PIK3C2G: variants seen among roughly 807,000 people sequenced by gnomAD.
The protein encoded by PIK3C2G is phosphatidylinositol-4-phosphate 3-kinase catalytic subunit type 2 gamma, also known as phosphatidylinositol 3-kinase C2 domain-containing subunit gamma.
A neutral mutation model predicts 181.1 loss-of-function variants in PIK3C2G; 168 were observed. The observed-to-expected ratio is 0.93, with a 90% CI of 0.82 to 1.05. The LOEUF (loss-of-function observed/expected upper bound fraction) is 1.05, where lower values mean the gene tolerates loss of function less well. Ranked by LOEUF, PIK3C2G falls within the 50% of genes least tolerant of loss-of-function variation. The pLI, the probability that PIK3C2G is intolerant of heterozygous loss-of-function variation, is 0.00. For synonymous variants in PIK3C2G, 573 were observed against 592.2 expected (o/e 0.97, Z 0.47); for missense variants, 1,869 against 1,732.8 (o/e 1.08, Z -1.40).
chr12:18,391,845 GTCTC>G (rs55958636), intron 15 of PIK3C2G, among the ~76,000 whole-genome samples: 2 of 151,596 alleles, frequency 1.3e-5, no homozygotes, highest in African/African-American at 2.4e-5. Flanking sequence ...CTGAGAAAGT[GTCTC>G]TCTCTCTCTA....
intron 5 of PIK3C2G, among the ~76,000 whole-genome samples, chr12:18,313,295 G>C (rs1402335237): frequency 6.6e-6 from 1 of 152,094 alleles, no homozygotes; most frequent in Non-Finnish European, 1.5e-5. Flanking sequence ...GAGAAAGGAA[G>C]GAAGACAAAG....
intron 31 of PIK3C2G, among the ~76,000 whole-genome samples, chr12:18,630,507 A>G (rs1229624252): frequency 1.3e-5 from 2 of 152,192 alleles, no homozygotes; most frequent in Admixed American, 6.6e-5. Context: ...GACAGCTTAG[A>G]AAGAAGGGTC....
chr12:18,577,331 A>G (rs1946283101), intron 29 of PIK3C2G, among the ~76,000 whole-genome samples: 1 of 152,200 alleles, frequency 6.6e-6, no homozygotes. Flanking sequence ...AAAACCACCA[A>G]ACATAGCTTT....
intron 29 of PIK3C2G, among the ~76,000 whole-genome samples, chr12:18,571,201 A>G (rs1301066182): frequency 6.6e-6 from 1 of 150,776 alleles, no homozygotes; most frequent in Admixed American, 6.6e-5. Context: ...AATTTTTTCA[A>G]ATATATTTAG....
the PIK3C2G span, among the ~76,000 whole-genome samples, chr12:18,686,203 C>T: frequency 5.9e-4 from 89 of 151,902 alleles, no homozygotes; most frequent in Admixed American, 1.6e-3. Flanking sequence ...AAATTTTATC[C>T]TGACTCTACT....
At chr12:18,652,596 T>G (rs1378203347), downstream of PIK3C2G, among the ~76,000 whole-genome samples, 1 of 152,112 alleles carries the variant, frequency 6.6e-6, no homozygotes, top group Non-Finnish European at 1.5e-5. Flanking sequence ...TGTTGTGTTG[T>G]CCCAGCCCCA....
chr12:18,711,620 A>G, the PIK3C2G span, among the ~76,000 whole-genome samples: 2 of 151,782 alleles, frequency 1.3e-5, no homozygotes, highest in African/African-American at 4.8e-5. Flanking sequence ...AAGGAGAAGT[A>G]GGTTACAGTT....
At chr12:18,537,867 T>C (rs1356721472) in intron 24 of PIK3C2G, among the ~76,000 whole-genome samples, 1 of 152,046 alleles carries the variant, frequency 6.6e-6, no homozygotes, top group African/African-American at 2.4e-5. Flanking sequence ...GCCTTTATGT[T>C]ACTTTTAATG....
At chr12:18,678,440 T>A in the PIK3C2G span, among the ~76,000 whole-genome samples, 1 of 152,084 alleles carries the variant, frequency 6.6e-6, no homozygotes, top group African/African-American at 2.4e-5. Flanking sequence ...TATTCAACCA[T>A]CATGATAATT....
At chr12:18,495,241 T>C (rs1157189417) in intron 20 of PIK3C2G, among the ~76,000 whole-genome samples, 1 of 152,036 alleles carries the variant, frequency 6.6e-6, no homozygotes, top group African/African-American at 2.4e-5. Flanking sequence ...TTCAATGCCA[T>C]CATGAACTCT....
chr12:18,534,069 C>T (rs1215733797), intron 24 of PIK3C2G, among the ~76,000 whole-genome samples: 2 of 150,204 alleles, frequency 1.3e-5, no homozygotes, highest in Non-Finnish European at 3.0e-5. Flanking sequence ...TGTGCCTCAG[C>T]CTCCCGAGTA....
intron 12 of PIK3C2G, among the ~76,000 whole-genome samples, chr12:18,366,983 G>A (rs1292476395): frequency 2.0e-5 from 3 of 152,196 alleles, no homozygotes; most frequent in East Asian, 1.9e-4. Context: ...ATGACAGAAT[G>A]GAGATTGGCA....
At chr12:18,491,700 T>G in intron 20 of PIK3C2G, 142 bp downstream of exon 20, 1 of 554,998 alleles carries the variant, frequency 1.8e-6, no homozygotes, top group Non-Finnish European at 3.2e-6. Flanking sequence ...TCCATTTACA[T>G]TGTGTTTTCC....
chr12:18,261,053 A>G (rs956503312), upstream of PIK3C2G, among the ~76,000 whole-genome samples: 3 of 152,174 alleles, frequency 2.0e-5, no homozygotes, highest in Non-Finnish European at 4.4e-5. Flanking sequence ...TGAACTTATT[A>G]AATTCTAATT....
chr12:18,621,546 A>G (rs1418400170), intron 31 of PIK3C2G, among the ~76,000 whole-genome samples: 2 of 151,704 alleles, frequency 1.3e-5, no homozygotes, highest in African/African-American at 4.8e-5. Context: ...TTTTATATAT[A>G]TATGTTATTA....
chr12:18,294,271 C>T (rs1949841636), intron 5 of PIK3C2G, among the ~76,000 whole-genome samples: 1 of 152,016 alleles, frequency 6.6e-6, no homozygotes, highest in African/African-American at 2.4e-5. Context: ...TCTCAGTTTG[C>T]TTGGAGGTAG....
intron 18 of PIK3C2G, among the ~76,000 whole-genome samples, chr12:18,460,309 C>G (rs1290048637): frequency 2.6e-5 from 4 of 151,978 alleles, no homozygotes; most frequent in African/African-American, 7.2e-5. Context: ...TGCGGTGGCT[C>G]ACTCCTGTAA....
At chr12:18,533,941 C>CTTTTTTTTT (rs542327503) in intron 24 of PIK3C2G, among the ~76,000 whole-genome samples, 32 of 91,486 alleles carry the variant, frequency 3.5e-4, no homozygotes, top group Admixed American at 4.4e-4. Flanking sequence ...CCTGCTATTT[C>CTTTTTTTTT]TTTTTTTTTT....
At chr12:18,339,709 C>T (rs916737562) in intron 9 of PIK3C2G, among the ~76,000 whole-genome samples, 4 of 152,058 alleles carry the variant, frequency 2.6e-5, no homozygotes, top group Non-Finnish European at 4.4e-5. Context: ...TCAGTAGTTT[C>T]TTAATGTTGG....
Sources: gnomAD v4.1 joint callset for allele counts (sites outside exome capture counted in the v4.1 genomes callset) on GRCh38, gnomAD v4.1.1 for gene constraint, MANE v1.5 for transcripts, NCBI Gene and HGNC (gene_info 2026-07-23, HGNC 2026-07-21) for gene names.